Variants in PCDH7 observed in about 807,000 individuals in gnomAD.
PCDH7 encodes the protein protocadherin 7.
In PCDH7, 17 loss-of-function variants were observed where a neutral mutation model predicts 58.9. The observed-to-expected ratio is 0.29, with a 90% CI of 0.20 to 0.43. PCDH7 has a LOEUF of 0.43. PCDH7 is among the 20% of genes least tolerant of loss of function. The probability of loss-of-function intolerance (pLI) is 1.00; values close to 1 mark genes in which losing one functional copy is unlikely to be tolerated. For missense variants in PCDH7, 1,274 were observed against 1,441.0 expected (o/e 0.88, Z 1.88); for synonymous variants, 664 against 616.4 (o/e 1.08, Z -1.14).
intron 3 of PCDH7, among the ~76,000 whole-genome samples, chr4:30,994,971 T>C (rs1420513703): frequency 1.3e-5 from 2 of 152,156 alleles, no homozygotes; most frequent in Non-Finnish European, 2.9e-5. Context: ...ATTTAGAAGA[T>C]TTAGTAGAAA....
At chr4:31,079,085 T>C (rs67114056) in intron 3 of PCDH7, among the ~76,000 whole-genome samples, 35,849 of 151,216 alleles carry the variant, frequency 0.24, 4,491 homozygotes, top group South Asian at 0.33. Flanking sequence ...CATTTAAAGA[T>C]AGAAATGTAA....
chr4:30,786,437 C>G (rs1023135912), intron 1 of PCDH7, among the ~76,000 whole-genome samples: 2 of 152,064 alleles, frequency 1.3e-5, no homozygotes, highest in African/African-American at 4.8e-5. Context: ...AGCTTAAACT[C>G]TGAAACACAC....
intron 1 of PCDH7, among the ~76,000 whole-genome samples, chr4:30,840,023 A>G (rs569825295): frequency 4.4e-4 from 58 of 131,946 alleles, no homozygotes; most frequent in African/African-American, 2.0e-3. Flanking sequence ...AGTAGCAATG[A>G]TGATGAGTGT....
intron 3 of PCDH7, among the ~76,000 whole-genome samples, chr4:31,051,381 A>C (rs2109220923): frequency 6.6e-6 from 1 of 152,262 alleles, no homozygotes; most frequent in East Asian, 1.9e-4. Flanking sequence ...GAACTAATGA[A>C]TGAATCATAC....
intron 3 of PCDH7, among the ~76,000 whole-genome samples, chr4:31,120,759 G>A (rs971600305): frequency 6.6e-6 from 1 of 152,034 alleles, no homozygotes; most frequent in African/African-American, 2.4e-5. Context: ...GTTACTCCGG[G>A]GGCCCTAGTT....
intron 3 of PCDH7, among the ~76,000 whole-genome samples, chr4:30,988,412 A>G (rs73111680): frequency 0.037 from 5,681 of 152,306 alleles, 329 homozygotes; most frequent in African/African-American, 0.13. Flanking sequence ...TGTAAACACT[A>G]TAGTCTGAAT....
At chr4:30,901,845 AT>A (rs1467464931) in intron 1 of PCDH7, among the ~76,000 whole-genome samples, 1 of 152,126 alleles carries the variant, frequency 6.6e-6, no homozygotes, top group East Asian at 1.9e-4. Context: ...AAACTGGGCT[AT>A]GCTGAAATGT....
At chr4:30,953,961 A>G (rs1363751419) in intron 3 of PCDH7, among the ~76,000 whole-genome samples, 1 of 152,122 alleles carries the variant, frequency 6.6e-6, no homozygotes, top group Non-Finnish European at 1.5e-5. Context: ...ATATATAACA[A>G]TATATTATAT....
chr4:30,819,889 A>T (rs1728163425), intron 1 of PCDH7, among the ~76,000 whole-genome samples: 3 of 152,138 alleles, frequency 2.0e-5, no homozygotes, highest in African/African-American at 7.2e-5. Flanking sequence ...TGCCATAAAC[A>T]AGTTCTGAAT....
intron 3 of PCDH7, among the ~76,000 whole-genome samples, chr4:31,102,370 G>T (rs1715000373): frequency 6.6e-6 from 1 of 152,106 alleles, no homozygotes; most frequent in Non-Finnish European, 1.5e-5. Flanking sequence ...AAAAGCACGG[G>T]TGTTTATAAT....
intron 1 of PCDH7, among the ~76,000 whole-genome samples, chr4:30,759,069 G>A (rs1272077722): frequency 6.6e-6 from 1 of 151,082 alleles, no homozygotes; most frequent in Non-Finnish European, 1.5e-5. Context: ...AGCCTCCCGA[G>A]TAGTTGGGAT....
chr4:31,114,286 G>A (rs1384171956), intron 3 of PCDH7, among the ~76,000 whole-genome samples: 1 of 151,956 alleles, frequency 6.6e-6, no homozygotes, highest in Admixed American at 6.6e-5. Flanking sequence ...TTAAATATCT[G>A]CATGGCATCT....
chr4:31,047,632 G>A (rs965485890), intron 3 of PCDH7, among the ~76,000 whole-genome samples: 1 of 152,024 alleles, frequency 6.6e-6, no homozygotes, highest in African/African-American at 2.4e-5. Flanking sequence ...TGATTGATTG[G>A]TTGACTGACT....
chr4:30,938,140 C>T (rs147504832), intron 2 of PCDH7, among the ~76,000 whole-genome samples: 1 of 152,154 alleles, frequency 6.6e-6, no homozygotes, highest in African/African-American at 2.4e-5. Context: ...GAGATGTATG[C>T]CTCTGAGCTC....
intron 2 of PCDH7, among the ~76,000 whole-genome samples, chr4:30,934,828 C>T (rs911135918): frequency 2.6e-5 from 4 of 151,982 alleles, no homozygotes; most frequent in Non-Finnish European, 4.4e-5. Context: ...TGTACATTTG[C>T]AAAGAATTGG....
chr4:30,953,986 C>A (rs1435225119), intron 3 of PCDH7, among the ~76,000 whole-genome samples: 2 of 151,952 alleles, frequency 1.3e-5, no homozygotes, highest in Non-Finnish European at 2.9e-5. Context: ...ACATGGAGGG[C>A]AAAACAAGAT....
At position 30,949,218 on chromosome 4, in the gene PCDH7, T is replaced by G. The variant is rs1419536821; in HGVS notation, c.288-902T>G. On this transcript the variant is annotated intron_variant, in intron 2 of 3. Coordinates refer to the PCDH7 transcript ENST00000509759. Reference sequence around the variant, plus strand: ...TCTATTTTTGCAAGTTTATCTTCACTGTGTATAAAAGCTTTTCTAAAGAAA... The same window carrying G: ...TCTATTTTTGCAAGTTTATCTTCACGGTGTATAAAAGCTTTTCTAAAGAAA... 6.6e-5 allele frequency among the ~76,000 whole-genome samples: 10 copies of G among 152,176 alleles called. No individual in the cohort carries two copies. The East Asian group carries it at 1.9e-3, about 29-fold the overall frequency.
chr4:30,758,792 G>A (rs1719645678), intron 1 of PCDH7, among the ~76,000 whole-genome samples: 1 of 152,138 alleles, frequency 6.6e-6, no homozygotes, highest in South Asian at 2.1e-4. Flanking sequence ...AATTTGGAAG[G>A]AAGAGAGTAT....
At chr4:30,958,794 A>G (rs574302949) in intron 3 of PCDH7, among the ~76,000 whole-genome samples, 6 of 152,170 alleles carry the variant, frequency 3.9e-5, no homozygotes, top group African/African-American at 1.4e-4. Flanking sequence ...CTATTATTGA[A>G]ATAGTGACCA....
Sources: gnomAD v4.1 joint callset for allele counts (sites outside exome capture counted in the v4.1 genomes callset) on GRCh38, gnomAD v4.1.1 for gene constraint, MANE v1.5 for transcripts, NCBI Gene and HGNC (gene_info 2026-07-23, HGNC 2026-07-21) for gene names.